Variants in AFG2A observed in about 807,000 individuals in gnomAD.
The protein encoded by AFG2A is ATPase family gene 2 protein homolog A.
At chr4:123,199,409 A>G in the AFG2A span, among the ~76,000 whole-genome samples, 3 of 150,436 alleles carry the variant, frequency 2.0e-5, no homozygotes, top group African/African-American at 4.9e-5. Context: ...AAAGGAACAT[A>G]GCAGTAATGA....
chr4:122,925,510 C>G, the AFG2A span, among the ~76,000 whole-genome samples: 1 of 152,196 alleles, frequency 6.6e-6, no homozygotes, highest in African/African-American at 2.4e-5. Flanking sequence ...CTCCACCACT[C>G]TGCCTATACT....
the AFG2A span, chr4:123,260,212 T>A: frequency 6.6e-6 from 1 of 152,362 alleles, no homozygotes; most frequent in East Asian, 1.9e-4. Flanking sequence ...ATCTTATGAA[T>A]GTAGCTCTAG....
At chr4:122,942,346 C>T in the AFG2A span, among the ~76,000 whole-genome samples, 1 of 150,750 alleles carries the variant, frequency 6.6e-6, no homozygotes, top group Non-Finnish European at 1.5e-5. Flanking sequence ...TCAACTTCTT[C>T]CTGGTTTAGT....
the AFG2A span, among the ~76,000 whole-genome samples, chr4:123,201,167 T>C: frequency 6.6e-6 from 1 of 152,262 alleles, no homozygotes; most frequent in Non-Finnish European, 1.5e-5. Context: ...TCAAATACTT[T>C]GTAAGACAAT....
At chr4:123,120,484 G>C in the AFG2A span, among the ~76,000 whole-genome samples, 7 of 152,282 alleles carry the variant, frequency 4.6e-5, no homozygotes, top group East Asian at 1.4e-3. Flanking sequence ...ATATCATTAT[G>C]TGTGCTGCAT....
chr4:123,180,953 T>C, the AFG2A span, among the ~76,000 whole-genome samples: 1 of 150,518 alleles, frequency 6.6e-6, no homozygotes, highest in East Asian at 2.0e-4. Context: ...CTCACCACCC[T>C]CTATACTCTC....
the AFG2A span, among the ~76,000 whole-genome samples, chr4:123,212,693 A>T: frequency 3.1e-3 from 477 of 152,280 alleles, no homozygotes; most frequent in Non-Finnish European, 5.4e-3. Flanking sequence ...GATCATCTGT[A>T]TTACAGGGAT....
the AFG2A span, among the ~76,000 whole-genome samples, chr4:122,960,046 A>G: frequency 6.6e-6 from 1 of 152,210 alleles, no homozygotes; most frequent in South Asian, 2.1e-4. Context: ...GTGTGGTTTG[A>G]TATGTCGTGA....
chr4:123,275,577 C>T, the AFG2A span, among the ~76,000 whole-genome samples: 1 of 151,982 alleles, frequency 6.6e-6, no homozygotes, highest in African/African-American at 2.4e-5. Context: ...GTTTCATGTA[C>T]AGATCATTTC....
At chr4:123,274,630 A>G in the AFG2A span, among the ~76,000 whole-genome samples, 2 of 152,040 alleles carry the variant, frequency 1.3e-5, no homozygotes, top group South Asian at 2.1e-4. Context: ...CTGTTACCCA[A>G]TTCTCTGGTA....
chr4:123,078,743 T>G, the AFG2A span, among the ~76,000 whole-genome samples: 2 of 152,116 alleles, frequency 1.3e-5, no homozygotes, highest in Non-Finnish European at 2.9e-5. Context: ...ATTGACTCAG[T>G]GGGTTTGATT....
At chr4:123,287,407 G>A in the AFG2A span, among the ~76,000 whole-genome samples, 2 of 151,978 alleles carry the variant, frequency 1.3e-5, no homozygotes, top group Non-Finnish European at 1.5e-5. Context: ...AGTTTGTGGG[G>A]GTATTTTTTA....
the AFG2A span, among the ~76,000 whole-genome samples, chr4:122,967,065 T>C: frequency 6.6e-6 from 1 of 152,174 alleles, no homozygotes; most frequent in African/African-American, 2.4e-5. Context: ...TGGCAAGAAA[T>C]ACAAGAACAG....
chr4:123,048,145 C>G, the AFG2A span, among the ~76,000 whole-genome samples: 2 of 151,962 alleles, frequency 1.3e-5, no homozygotes, highest in African/African-American at 4.8e-5. Flanking sequence ...TTCTTGATGC[C>G]CTTGTCGAAA....
At chr4:123,280,076 G>C in the AFG2A span, among the ~76,000 whole-genome samples, 3 of 152,132 alleles carry the variant, frequency 2.0e-5, no homozygotes, top group Non-Finnish European at 4.4e-5. Flanking sequence ...TTAGTGTCAG[G>C]TTCTTCAGGT....
At chr4:123,307,863 TGTGTAGTGTA>T in the AFG2A span, among the ~76,000 whole-genome samples, 1 of 152,158 alleles carries the variant, frequency 6.6e-6, no homozygotes, top group African/African-American at 2.4e-5. Context: ...GCTGTACAGG[TGTGTAGTGTA>T]GGAGCAATAG....
the AFG2A span, among the ~76,000 whole-genome samples, chr4:123,231,811 G>A: frequency 2.2e-3 from 333 of 151,908 alleles, 2 homozygotes; most frequent in Middle Eastern, 0.014. Flanking sequence ...TGTGTCTCAG[G>A]GCATAGGAAG....
chr4:123,311,941 A>G, the AFG2A span, among the ~76,000 whole-genome samples: 1 of 152,192 alleles, frequency 6.6e-6, no homozygotes, highest in Non-Finnish European at 1.5e-5. Flanking sequence ...CAAACCGCCC[A>G]TCTCGCCATG....
the AFG2A span, chr4:123,319,134 G>A: frequency 6.6e-6 from 1 of 152,236 alleles, no homozygotes; most frequent in African/African-American, 2.4e-5. Context: ...TATTTCTAAT[G>A]TGTAAAACAG....
Sources: gnomAD v4.1 joint callset for allele counts (sites outside exome capture counted in the v4.1 genomes callset) on GRCh38, gnomAD v4.1.1 for gene constraint, MANE v1.5 for transcripts, NCBI Gene and HGNC (gene_info 2026-07-23, HGNC 2026-07-21) for gene names.